SHB: variants seen among roughly 807,000 people sequenced by gnomAD.
SHB encodes SH2 domain-containing adapter protein B.
SHB carries 20 observed loss-of-function variants against 52.3 expected under a neutral mutation model. That is an observed-to-expected ratio of 0.38 (90% CI 0.27 to 0.56). SHB has a LOEUF of 0.56. Ranked by LOEUF, SHB falls within the 20% of genes least tolerant of loss-of-function variation. The pLI is 0.71. For missense variants in SHB, 825 were observed against 723.3 expected (o/e 1.14, Z -1.61); for synonymous variants, 397 against 316.5 (o/e 1.25, Z -2.70).
chr9:38,047,498 A>G (rs1587262886), intron 1 of SHB, among the ~76,000 whole-genome samples: 2 of 152,246 alleles, frequency 1.3e-5, no homozygotes, highest in South Asian at 2.1e-4. Context: ...TGCCTCCAAC[A>G]GGGAAGTTAA....
chr9:38,024,267 T>C (rs562262981), intron 1 of SHB, among the ~76,000 whole-genome samples: 1 of 152,340 alleles, frequency 6.6e-6, no homozygotes, highest in South Asian at 2.1e-4. Flanking sequence ...CTGAAATCTG[T>C]CTCCCAGCAG....
chr9:37,989,717 T>C (rs1440007125), intron 2 of SHB, among the ~76,000 whole-genome samples: 2 of 152,222 alleles, frequency 1.3e-5, no homozygotes, highest in Non-Finnish European at 1.5e-5. Flanking sequence ...TTTCCAACTC[T>C]AACGTCACTT....
At chr9:37,924,363 C>G (rs998943727) in intron 5 of SHB, among the ~76,000 whole-genome samples, 2 of 152,340 alleles carry the variant, frequency 1.3e-5, no homozygotes, top group South Asian at 4.1e-4. Context: ...CCTCACCTCT[C>G]GCTTTTAGAC....
In SHB at chr9:38,067,659, G is replaced by A. The variant is rs115272920; in HGVS notation, c.717+270C>T. 7.2e-3 allele frequency among the ~76,000 whole-genome samples: 1,092 copies of A among 152,130 alleles called. 11 individuals carry two copies. The highest frequency in any genetic ancestry group is 0.024 in the African/African-American group (1,013 of 41,486). ...CCTTGGCAGCCAGAAGGACTGACTG[G>A]GTCCGTCTTCCTGGGGCAAGGCTGG... is the stretch of plus-strand genomic sequence containing the variant. On this transcript the variant is annotated intron_variant, in intron 1 of 5. Coordinates refer to ENST00000377707, the MANE Select transcript of SHB (RefSeq NM_003028.3).
intron 5 of SHB, among the ~76,000 whole-genome samples, chr9:37,925,620 G>A (rs1367545377): frequency 6.6e-6 from 1 of 152,196 alleles, no homozygotes. Flanking sequence ...GGTAATGTGA[G>A]CGCTGGCCCT....
intron 2 of SHB, among the ~76,000 whole-genome samples, chr9:37,999,910 G>A (rs1160135090): frequency 2.6e-5 from 4 of 152,228 alleles, no homozygotes; most frequent in Non-Finnish European, 5.9e-5. Flanking sequence ...CTCTCCACTA[G>A]TCACCCCATG....
chr9:37,956,673 C>T (rs182021040), intron 3 of SHB, among the ~76,000 whole-genome samples: 8 of 152,280 alleles, frequency 5.3e-5, no homozygotes, highest in Admixed American at 3.3e-4. Flanking sequence ...GTGGGAGCAT[C>T]GTTCACCCCC....
At position 38,020,720 on chromosome 9, in the gene SHB, T is replaced by C. The variant is rs113842935; in HGVS notation, c.718-4589A>G. Among the ~76,000 whole-genome samples the C allele has an allele frequency of 9.8e-5, 15 of 152,306 alleles. 2 individuals carry two copies. Among genetic ancestry groups the C allele is most frequent in the African/African-American group, 3.6e-4 (15 of 41,568 alleles). On this transcript the variant is annotated intron_variant, in intron 1 of 5. Coordinates refer to ENST00000377707, the MANE Select transcript of SHB (RefSeq NM_003028.3). Reference sequence around the variant, plus strand: ...ATCACCACTAAAGAACTTAGTCATGTAACCAAACACCACCTGTTCTCCAAT... The same window carrying C: ...ATCACCACTAAAGAACTTAGTCATGCAACCAAACACCACCTGTTCTCCAAT...
At chr9:38,010,273 A>T (rs567799307) in intron 2 of SHB, among the ~76,000 whole-genome samples, 1 of 152,346 alleles carries the variant, frequency 6.6e-6, no homozygotes, top group African/African-American at 2.4e-5. Context: ...CCTGGCACAC[A>T]GGGAAGCCCT....
intron 3 of SHB, among the ~76,000 whole-genome samples, chr9:37,965,455 A>G (rs944381095): frequency 5.9e-5 from 9 of 152,216 alleles, no homozygotes; most frequent in African/African-American, 2.2e-4. Context: ...GGTATACAGC[A>G]TGCAAGAAAG....
intron 3 of SHB, among the ~76,000 whole-genome samples, chr9:37,965,915 TG>T (rs1044194983): frequency 2.0e-5 from 3 of 152,130 alleles, no homozygotes; most frequent in African/African-American, 7.2e-5. Flanking sequence ...GTGGTTACTG[TG>T]GTTGTTTTTG....
rs774985216 is a variant in SHB, at chr9:37,919,930, G to C, written c.1421C>G (p.Pro474Arg). 8 of 1,613,888 alleles carry C rather than the reference G, an allele frequency of 5.0e-6. No homozygotes were observed. Among genetic ancestry groups the C allele is most frequent in the Non-Finnish European group, 6.8e-6 (8 of 1,179,866 alleles). ...GATGACTTCCGGGACACTGTCGAAC[G>C]GAGGGCTGTTCTGACCCAGAACGTA... is the stretch of plus-strand genomic sequence containing the variant. ...EKYVLGQNSPPFDSVPEVIHY... is the reference protein window; with the variant it reads ...EKYVLGQNSPRFDSVPEVIHY... Residue 474 changes from proline to arginine, a missense_variant, in exon 6 of 6, where the codon CCG becomes CGG. By Grantham distance (103) the Pro-to-Arg change is moderately radical. Transcript: ENST00000377707.
intron 3 of SHB, among the ~76,000 whole-genome samples, chr9:37,963,029 C>A (rs1185738265): frequency 2.6e-5 from 4 of 152,316 alleles, no homozygotes; most frequent in African/African-American, 9.6e-5. Context: ...AGCCCTTGAG[C>A]CCTCTGCTTT....
intron 5 of SHB, among the ~76,000 whole-genome samples, chr9:37,939,238 C>T (rs1381216911): frequency 1.3e-5 from 2 of 152,244 alleles, no homozygotes; most frequent in African/African-American, 4.8e-5. Flanking sequence ...ATCAGCCTAG[C>T]ACCTGAGTGC....
chr9:37,937,468 A>G (rs1832384508), intron 5 of SHB, among the ~76,000 whole-genome samples: 1 of 149,956 alleles, frequency 6.7e-6, no homozygotes. Context: ...AAAGATAAGA[A>G]AAAAAAAAAA....
At chr9:37,980,080 G>A (rs575488583) in intron 2 of SHB, among the ~76,000 whole-genome samples, 2 of 152,312 alleles carry the variant, frequency 1.3e-5, no homozygotes, top group Non-Finnish European at 2.9e-5. Flanking sequence ...TGAGGTGGCT[G>A]TGGAAAATTT....
intron 1 of SHB, among the ~76,000 whole-genome samples, chr9:38,041,401 G>A (rs957752189): frequency 5.9e-5 from 9 of 152,176 alleles, no homozygotes; most frequent in African/African-American, 2.2e-4. Flanking sequence ...CAAGGCCCAG[G>A]CATGACCTAT....
In SHB at chr9:37,916,735, G is replaced by A. The variant is rs774320963; in HGVS notation, c.*3086C>T. Among the ~76,000 whole-genome samples, 9 of 152,180 alleles carry A rather than the reference G, an allele frequency of 5.9e-5. No homozygotes were observed. The highest frequency in any genetic ancestry group is 1.3e-4 in the Admixed American group (2 of 15,280). On this transcript the variant is annotated 3_prime_UTR_variant, in exon 6 of 6. Coordinates refer to ENST00000377707, the MANE Select transcript of SHB (RefSeq NM_003028.3). Reference sequence around the variant, plus strand: ...TGGGCCATTCTTCTGACTTCAGGACGGGACTGGCAGGCGGTGGGGCCCTCT... The same window carrying A: ...TGGGCCATTCTTCTGACTTCAGGACAGGACTGGCAGGCGGTGGGGCCCTCT...
rs1309586312 is a variant in SHB at position 38,068,509 on chromosome 9, T to G, written c.137A>C (p.Gln46Pro). Reference protein sequence around the residue: ...RPSQPPQAVPQASSAASASCG... With the variant: ...RPSQPPQAVPPASSAASASCG... ...GGACGCCGAGGCGGCGGAGGAGGCC[T>G]GCGGCACGGCCTGGGGGGGCTGCGA... Residue 46 changes from glutamine (Q) to proline (P), a missense_variant, in exon 1 of 6, where the codon CAG becomes CCG. Coordinates refer to ENST00000377707, the MANE Select transcript of SHB (RefSeq NM_003028.3). 6.7e-7 allele frequency: 1 copy of G among 1,485,090 alleles called. No individual in the cohort carries two copies. Among genetic ancestry groups the G allele is most frequent in the East Asian group, 2.8e-5 (1 of 35,624 alleles). 92.0% of individuals were successfully genotyped at this position (1,485,090 alleles called of 1,614,324 possible).
Sources: allele counts gnomAD v4.1 joint callset (sites outside exome capture counted in the v4.1 genomes callset), GRCh38; gene constraint gnomAD v4.1.1; transcripts MANE v1.5; gene names NCBI Gene and HGNC (gene_info 2026-07-23, HGNC 2026-07-21).